The following ZNF507 variants were observed in gnomAD, a reference collection of about 807,000 sequenced individuals.
ZNF507 encodes zinc finger protein 507.
Under a neutral mutation model 80.0 loss-of-function variants are expected in ZNF507, and 29 were observed. The observed-to-expected ratio is 0.36, with a 90% CI of 0.27 to 0.49. ZNF507 has a LOEUF of 0.49. ZNF507 is among the 20% of genes least tolerant of loss of function. ZNF507 has a pLI of 0.98. For synonymous variants in ZNF507, 462 were observed against 422.5 expected, an observed-to-expected ratio of 1.09 and a Z score of -1.15; for missense variants, 1,081 against 1,152.2, an observed-to-expected ratio of 0.94 and a Z score of 0.90.
intron 2 of ZNF507, among the ~76,000 whole-genome samples, chr19:32,350,362 A>G (rs1599543741): frequency 6.6e-6 from 1 of 152,350 alleles, no homozygotes; most frequent in East Asian, 1.9e-4. Flanking sequence ...AAATGTATGC[A>G]GCCTTTAAAA....
rs148641028 is a variant in ZNF507 at position 32,355,296 on chromosome 19, C to T, written c.2127+339C>T. Among the ~76,000 whole-genome samples, 9 of 152,282 alleles carry T rather than the reference C, an allele frequency of 5.9e-5. No individual in the cohort carries two copies. In the South Asian group the frequency reaches 8.3e-4, roughly 14 times the overall value. On this transcript the variant is annotated intron_variant, in intron 3 of 6. Coordinates refer to ENST00000355898, the MANE Select transcript of ZNF507 (RefSeq NM_001136156.2). ...ACTTAACGTATTGACATACGTTTGA[C>T]TTAAACAAATTTAACCGTACATCAT...
intron 5 of ZNF507, among the ~76,000 whole-genome samples, chr19:32,379,857 G>A (rs546386212): frequency 6.9e-4 from 104 of 151,590 alleles, no homozygotes; most frequent in African/African-American, 2.0e-3. Context: ...TCATATGCTT[G>A]TGGAAGAACA....
intron 5 of ZNF507, among the ~76,000 whole-genome samples, chr19:32,372,081 C>G (rs536061272): frequency 1.3e-5 from 2 of 152,290 alleles, no homozygotes; most frequent in African/African-American, 4.8e-5. Context: ...CATTCTAGCT[C>G]TATGCTACTT....
intron 5 of ZNF507, among the ~76,000 whole-genome samples, chr19:32,369,771 G>A (rs557050306): frequency 6.6e-5 from 10 of 152,166 alleles, no homozygotes; most frequent in African/African-American, 2.4e-4. Context: ...TGTGGCAAAA[G>A]CAGTTAAAAT....
chr19:32,366,683 T>G (rs1409110405), intron 5 of ZNF507, among the ~76,000 whole-genome samples: 1 of 152,248 alleles, frequency 6.6e-6, no homozygotes. Flanking sequence ...TTTTACATGT[T>G]TTTGGGCACA....
At chr19:32,369,944 C>G (rs996757987) in intron 5 of ZNF507, among the ~76,000 whole-genome samples, 13 of 151,872 alleles carry the variant, frequency 8.6e-5, no homozygotes, top group African/African-American at 2.4e-4. Context: ...CCTTCCTTCT[C>G]TGTGTGTGTG....
At chr19:32,375,258 G>C (rs1169412238) in intron 5 of ZNF507, among the ~76,000 whole-genome samples, 1 of 152,204 alleles carries the variant, frequency 6.6e-6, no homozygotes, top group African/African-American at 2.4e-5. Context: ...CATTTAGTGA[G>C]TAGAGGCTAG....
rs767452524 is a variant in ZNF507, at chr19:32,354,749, C to G, written c.1919C>G (p.Pro640Arg). The G allele has an allele frequency of 6.2e-7, 1 of 1,614,154 alleles. No individual in the cohort carries two copies. Among genetic ancestry groups the G allele is most frequent in the Non-Finnish European group, 8.5e-7 (1 of 1,180,022 alleles). Reference protein sequence around the residue: ...VVEYIPNAERPYRCRLCHYTS... With the variant: ...VVEYIPNAERRYRCRLCHYTS... Reference sequence around the variant, plus strand: ...GAATACATCCCGAATGCTGAACGACCCTACCGTTGCCGCCTGTGTCACTAC... The same window carrying G: ...GAATACATCCCGAATGCTGAACGACGCTACCGTTGCCGCCTGTGTCACTAC... The change falls in exon 3 of 7, where the codon CCC becomes CGC. Residue 640 changes from proline to arginine, a missense_variant. Transcript: ENST00000355898.
chr19:32,368,809 G>T (rs1288873690), intron 5 of ZNF507, among the ~76,000 whole-genome samples: 2 of 152,202 alleles, frequency 1.3e-5, no homozygotes, highest in African/African-American at 2.4e-5. Context: ...CATAGAAAAT[G>T]AATTGAAGGT....
intron 5 of ZNF507, among the ~76,000 whole-genome samples, chr19:32,363,210 T>C (rs746278054): frequency 6.6e-6 from 1 of 152,190 alleles, no homozygotes; most frequent in Non-Finnish European, 1.5e-5. Flanking sequence ...TTTCTCAGAG[T>C]TCATGCCATA....
intron 2 of ZNF507, among the ~76,000 whole-genome samples, chr19:32,347,940 G>A (rs1967116747): frequency 6.6e-6 from 1 of 152,020 alleles, no homozygotes; most frequent in African/African-American, 2.4e-5. Flanking sequence ...TTTTCTTAGT[G>A]GTAATTAATA....
At chr19:32,382,395 T>C in intron 5 of ZNF507, 72 bp from the exon 6 acceptor site, 1 of 1,565,452 alleles carries the variant, frequency 6.4e-7, no homozygotes, top group Non-Finnish European at 8.7e-7. Context: ...TAATAATTGT[T>C]ACAGAATCAT....
intron 5 of ZNF507, among the ~76,000 whole-genome samples, chr19:32,376,673 A>C (rs142329647): frequency 0.012 from 1,805 of 152,364 alleles, 41 homozygotes; most frequent in African/African-American, 0.039. Flanking sequence ...GATTGTAGAA[A>C]TAAAGACACA....
chr19:32,358,082 C>A (rs377722887), intron 4 of ZNF507: 1 of 150,792 alleles, frequency 6.6e-6, no homozygotes, highest in Non-Finnish European at 1.5e-5. Flanking sequence ...GTGGCTCATG[C>A]TTTTTTTTTA....
In ZNF507 at chr19:32,353,273, G is replaced by A. The variant is rs1340127315; in HGVS notation, c.443G>A (p.Gly148Asp). 5.0e-6 allele frequency: 8 copies of A among 1,614,050 alleles called. No homozygotes were observed. Among genetic ancestry groups the A allele is most frequent in the African/African-American group, 1.3e-5 (1 of 74,916 alleles). ...TTAAAAGATCATATTAAGCAACATG[G>A]TCAGCAAAATGAAGTGATACTGATG... is the stretch of plus-strand genomic sequence containing the variant. ...SVLKDHIKQH[G>D]QQNEVILMCS... The change falls in exon 3 of 7, where the codon GGT becomes GAT. Residue 148 changes from glycine to aspartate, a missense_variant. By Grantham distance (94) the Gly-to-Asp change is moderately conservative. Transcript: ENST00000355898.
In ZNF507 at chr19:32,356,611, T is replaced by C; in HGVS notation, c.2128-5T>C. ...GAAAATTACATATTTCTTTCCACTT[T>C]TTAGAGTCAATTGAGGAACCATGAG... On this transcript the variant is annotated splice_region_variant and splice_polypyrimidine_tract_variant and intron_variant, in intron 3 of 6. Coordinates refer to ENST00000355898, the MANE Select transcript of ZNF507 (RefSeq NM_001136156.2). 6.2e-7 allele frequency: 1 copy of C among 1,606,690 alleles called. No homozygotes were observed. The highest frequency in any genetic ancestry group is 8.5e-7 in the Non-Finnish European group (1 of 1,173,750).
rs372307962 is a variant in ZNF507 at position 32,353,544 on chromosome 19, A to G, written c.714A>G (p.Lys238=). Residue 238 remains lysine (K), a synonymous_variant, in exon 3 of 7, where the codon AAA becomes AAG. Transcript: ENST00000355898. ...TASVAEMGRR[K]WYAYEQYGMY... Reference sequence around the variant, plus strand: ...CTGTGGCAGAAATGGGTAGGAGGAAATGGTATGCATACGAACAGTACGGCA... The same window carrying G: ...CTGTGGCAGAAATGGGTAGGAGGAAGTGGTATGCATACGAACAGTACGGCA... 3.7e-6 allele frequency: 6 copies of G among 1,614,106 alleles called. No homozygotes were observed. Among genetic ancestry groups the G allele is most frequent in the Non-Finnish European group, 5.1e-6 (6 of 1,180,048 alleles).
intron 5 of ZNF507, among the ~76,000 whole-genome samples, chr19:32,369,648 A>C (rs1399369444): frequency 6.6e-6 from 1 of 151,720 alleles, no homozygotes; most frequent in Non-Finnish European, 1.5e-5. Context: ...TTTGTTTTTT[A>C]ATACATGTTA....
chr19:32,353,900 A>G lies in ZNF507; in HGVS notation c.1070A>G (p.Asn357Ser), dbSNP rs200846867. ...HLSQSVTLDPNEEEMLEVISD... is the reference protein window; with the variant it reads ...HLSQSVTLDPSEEEMLEVISD... ...AGTCAGTCAGTTACCCTGGACCCCA[A>G]TGAGGAAGAAATGCTAGAAGTGATT... Residue 357 changes from asparagine to serine, a missense_variant, in exon 3 of 7, where the codon AAT (asparagine) becomes AGT (serine). Asn to Ser is a conservative substitution (Grantham distance 46, BLOSUM62 1). Coordinates refer to ENST00000355898, the MANE Select transcript of ZNF507 (RefSeq NM_001136156.2). 55 of 1,614,178 alleles carry G rather than the reference A, an allele frequency of 3.4e-5. No homozygotes were observed. In the East Asian group the frequency reaches 1.1e-3, roughly 32 times the overall value.
Sources: allele counts gnomAD v4.1 joint callset (sites outside exome capture counted in the v4.1 genomes callset), GRCh38; gene constraint gnomAD v4.1.1; transcripts MANE v1.5; gene names NCBI Gene and HGNC (gene_info 2026-07-23, HGNC 2026-07-21).